The following RFX2 variants were observed in gnomAD, a reference collection of about 807,000 sequenced individuals.
The protein encoded by RFX2 is regulatory factor X2.
In RFX2, 20 loss-of-function variants were observed where a neutral mutation model predicts 87.8. That is an observed-to-expected ratio of 0.23 (90% confidence interval 0.16 to 0.33). RFX2 has a LOEUF of 0.33. Among genes scored for constraint, RFX2 ranks in the 10% least tolerant of loss-of-function variants. The pLI is 1.00. For synonymous variants in RFX2, 397 were observed against 431.3 expected (o/e 0.92, Z 0.98); for missense variants, 767 against 1,012.3 (o/e 0.76, Z 3.29).
At chr19:6,108,852 T>G (rs569213179) in intron 1 of RFX2, among the ~76,000 whole-genome samples, 6 of 151,958 alleles carry the variant, frequency 3.9e-5, no homozygotes, top group African/African-American at 1.4e-4. Flanking sequence ...CTTGGGGCCC[T>G]CGGGGGCCCT....
chr19:6,001,082 C>T lies in RFX2; in HGVS notation c.1859+733G>A, dbSNP rs925673331. Among the ~76,000 whole-genome samples the T allele has an allele frequency of 2.6e-5, 4 of 152,188 alleles. No homozygotes were observed. Among genetic ancestry groups the T allele is most frequent in the Non-Finnish European group, 4.4e-5 (3 of 68,038 alleles). On this transcript the variant is annotated intron_variant, in intron 15 of 17. Transcript: ENST00000303657. The surrounding 1 kb of genome is among the most constrained non-coding windows in gnomAD (Gnocchi z 5.6). ...AGGTCTGTAGCTTGGAAATGATTTC[C>T]CTTCAGAGCTCTCAGGACATCGCTC...
chr19:6,006,881 C>A, intron 12 of RFX2, 131 bp downstream of exon 12: 1 of 1,024,290 alleles, frequency 9.8e-7, no homozygotes, highest in Non-Finnish European at 1.4e-6. Context: ...CATGAGCCAC[C>A]GCGCCCGGCC....
chr19:6,034,075 A>T lies in RFX2; in HGVS notation c.522+5905T>A, dbSNP rs377068201. ...AGGAGTACCCAAGTGATTTATTTTTATTTATTTATTTAGAGACAGAGTCTT... is the reference window on the plus strand; with the variant it reads ...AGGAGTACCCAAGTGATTTATTTTTTTTTATTTATTTAGAGACAGAGTCTT... On this transcript the variant is annotated intron_variant, in intron 5 of 17. Transcript: ENST00000303657. 1.6e-4 allele frequency among the ~76,000 whole-genome samples: 24 copies of T among 152,046 alleles called. No individual in the cohort carries two copies. In the South Asian group the frequency reaches 1.9e-3, roughly 12 times the overall value.
At chr19:6,031,843 G>T (rs2086957700) in intron 5 of RFX2, among the ~76,000 whole-genome samples, 1 of 152,010 alleles carries the variant, frequency 6.6e-6, no homozygotes, top group Non-Finnish European at 1.5e-5. Context: ...AAAAGAGGTG[G>T]GGTCTCTCTC....
intron 1 of RFX2, among the ~76,000 whole-genome samples, chr19:6,048,682 T>C (rs1024594465): frequency 6.6e-6 from 1 of 152,224 alleles, no homozygotes; most frequent in Admixed American, 6.5e-5. Context: ...CGTTTCTCTA[T>C]CACCCCCAGA....
In RFX2 at chr19:6,052,300, A is replaced by T. The variant is rs542192325; in HGVS notation, c.-8-4796T>A. ...GACAAGGAATATTACTGCAGATAAA[A>T]TTTCATCATAAGATGATCAATTTAT... On this transcript the variant is annotated intron_variant, in intron 1 of 17. Transcript: ENST00000303657. 7.2e-5 allele frequency among the ~76,000 whole-genome samples: 11 copies of T among 152,322 alleles called. No individual in the cohort carries two copies. In the South Asian group the frequency reaches 1.9e-3, roughly 26 times the overall value.
chr19:5,994,164 C>A lies in RFX2; in HGVS notation c.*671G>T, dbSNP rs994932154. 2 of 152,282 alleles carry A rather than the reference C, an allele frequency of 1.3e-5. No homozygotes were observed. Among genetic ancestry groups the A allele is most frequent in the Non-Finnish European group, 2.9e-5 (2 of 68,074 alleles). 9.4% of individuals were successfully genotyped at this position (152,282 alleles called of 1,614,324 possible). ...CGGGACACAGCGATTGTCAGCTGCC[C>A]CTCAAGTCCTTTGGCATCTGGAGAT... On this transcript the variant is annotated 3_prime_UTR_variant, in exon 18 of 18. Coordinates refer to ENST00000303657, the MANE Select transcript of RFX2 (RefSeq NM_000635.4).
At chr19:6,088,920 T>A (rs927834690) in intron 1 of RFX2, among the ~76,000 whole-genome samples, 7 of 152,206 alleles carry the variant, frequency 4.6e-5, no homozygotes, top group African/African-American at 1.7e-4. Flanking sequence ...AAAACTTTAT[T>A]TATGGTTCCA....
At position 6,024,892 on chromosome 19, in the gene RFX2, T is replaced by C. The variant is rs914341113; in HGVS notation, c.597+1271A>G. The stretch of plus-strand genomic sequence containing the variant: ...GACGGGAGTGAGGACGGGATCACGG[T>C]GAGGACGGGAGTCAGGACGGGATCA... On this transcript the variant is annotated intron_variant, in intron 6 of 17. Transcript: ENST00000303657. The surrounding 1 kb of genome is among the most constrained non-coding windows in gnomAD (Gnocchi z 5.0). Among the ~76,000 whole-genome samples the C allele has an allele frequency of 7.0e-6, 1 of 143,000 alleles. No homozygotes were observed. The highest frequency in any genetic ancestry group is 1.5e-5 in the Non-Finnish European group (1 of 65,442). The allele number at this position is 143,000 out of a possible 152,430, so 93.8% of individuals were successfully genotyped here.
Position 5,999,244 on chromosome 19 carries a change from G to C in RFX2, c.1860-2031C>G, listed in dbSNP as rs567148114. Among the ~76,000 whole-genome samples the C allele has an allele frequency of 1.6e-3, 248 of 152,252 alleles. No homozygotes were observed. Among genetic ancestry groups the C allele is most frequent in the African/African-American group, 5.8e-3 (240 of 41,534 alleles). ...GCACTCCAGCCTGGTGACAGAGCGAGACTCTGTCTCAAAAAACAAGCAAAC... is the reference window on the plus strand; with the variant it reads ...GCACTCCAGCCTGGTGACAGAGCGACACTCTGTCTCAAAAAACAAGCAAAC... On this transcript the variant is annotated intron_variant, in intron 15 of 17. Coordinates refer to ENST00000303657, the MANE Select transcript of RFX2 (RefSeq NM_000635.4). This position sits in a 1 kb window ranked among gnomAD's most constrained non-coding sequence, Gnocchi z 4.1.
chr19:6,034,100 T>TG (rs1460241394), intron 5 of RFX2, among the ~76,000 whole-genome samples: 3 of 152,112 alleles, frequency 2.0e-5, no homozygotes, highest in African/African-American at 7.2e-5. Flanking sequence ...GACAGAGTCT[T>TG]GCTCTGTCAC....
rs1035046323 is a variant in RFX2 at position 6,021,038 on chromosome 19, G to T, written c.598-4767C>A. ...CTGTGGACAGATATCCTCACCTGCCGGTGGGAAGGCAGGGATCATGCCCAC... is the reference window on the plus strand; with the variant it reads ...CTGTGGACAGATATCCTCACCTGCCTGTGGGAAGGCAGGGATCATGCCCAC... On this transcript the variant is annotated intron_variant, in intron 6 of 17. Transcript: ENST00000303657. The surrounding 1 kb of genome is among the most constrained non-coding windows in gnomAD (Gnocchi z 5.7). Among the ~76,000 whole-genome samples the T allele has an allele frequency of 6.6e-6, 1 of 152,156 alleles. No individual in the cohort carries two copies. Among genetic ancestry groups the T allele is most frequent in the African/African-American group, 2.4e-5 (1 of 41,432 alleles).
At position 6,101,593 on chromosome 19, in the gene RFX2, T is replaced by C. The variant is rs2088128304; in HGVS notation, c.-9+8800A>G. 6.6e-6 allele frequency among the ~76,000 whole-genome samples: 1 copy of C among 152,254 alleles called. No individual in the cohort carries two copies. Among genetic ancestry groups the C allele is most frequent in the South Asian group, 2.1e-4 (1 of 4,836 alleles). On this transcript the variant is annotated intron_variant, in intron 1 of 17. Coordinates refer to ENST00000303657, the MANE Select transcript of RFX2 (RefSeq NM_000635.4). This position sits in a 1 kb window ranked among gnomAD's most constrained non-coding sequence, Gnocchi z 4.9. ...AAGTATAATTAAGTGCTGTTGCAGC[T>C]TTAGGAATGGACTTCTATATCATTG...
Position 6,016,334 on chromosome 19 carries a change from G to A in RFX2, c.598-63C>T. On this transcript the variant is annotated intron_variant, in intron 6 of 17. Transcript: ENST00000303657. This position sits in a 1 kb window ranked among gnomAD's most constrained non-coding sequence, Gnocchi z 5.4. ...CTGAGGAACGCTAACATGCCAACGTGGACTCATTAAGAGAATTACTTGCGT... is the reference window on the plus strand; with the variant it reads ...CTGAGGAACGCTAACATGCCAACGTAGACTCATTAAGAGAATTACTTGCGT... The A allele has an allele frequency of 8.2e-7, 1 of 1,224,452 alleles. No individual in the cohort carries two copies. Among genetic ancestry groups the A allele is most frequent in the Non-Finnish European group, 1.2e-6 (1 of 868,738 alleles). 75.8% of individuals were successfully genotyped at this position (1,224,452 alleles called of 1,614,324 possible).
intron 12 of RFX2, among the ~76,000 whole-genome samples, chr19:6,006,138 A>G (rs1195903680): frequency 6.6e-6 from 1 of 152,194 alleles, no homozygotes; most frequent in Non-Finnish European, 1.5e-5. Flanking sequence ...GAGGGGACAC[A>G]TTCTACGGCC....
chr19:6,035,889 G>A (rs567829050), intron 5 of RFX2, among the ~76,000 whole-genome samples: 1 of 150,732 alleles, frequency 6.6e-6, no homozygotes, highest in East Asian at 1.9e-4. Flanking sequence ...GTGTGTGTGT[G>A]AAAACATAGC....
rs1364804977 is a variant in RFX2 at position 5,999,852 on chromosome 19, G to C, written c.1859+1963C>G. On this transcript the variant is annotated intron_variant, in intron 15 of 17. Coordinates refer to ENST00000303657, the MANE Select transcript of RFX2 (RefSeq NM_000635.4). This position sits in a 1 kb window ranked among gnomAD's most constrained non-coding sequence, Gnocchi z 4.1. ...GATGGGTTTCTCTGTGTGGCTGTCT[G>C]GGGGAAAGATGTTCCAGGCAAGGGG... Among the ~76,000 whole-genome samples, 1 of 152,136 alleles carries C rather than the reference G, an allele frequency of 6.6e-6. No individual in the cohort carries two copies. The highest frequency in any genetic ancestry group is 1.9e-4 in the East Asian group (1 of 5,194).
rs1048086981 is a variant in RFX2, at chr19:6,061,963, G to A, written c.-8-14459C>T. 1.3e-5 allele frequency among the ~76,000 whole-genome samples: 2 copies of A among 152,174 alleles called. No individual in the cohort carries two copies. The highest frequency in any genetic ancestry group is 2.1e-4 in the South Asian group (1 of 4,814). On this transcript the variant is annotated intron_variant, in intron 1 of 17. Transcript: ENST00000303657. The surrounding 1 kb of genome is among the most constrained non-coding windows in gnomAD (Gnocchi z 5.2). ...TCGAGACCAGCCTGGGCAACATAGC[G>A]AGGCCCCATCTCTACAAACAAACAA...
rs779586267 is a variant in RFX2 at position 6,016,158 on chromosome 19, G to A, written c.711C>T (p.Asn237=). ...GGATCAGTTTCCCGAAGGAGGCGGC[G>A]TTCACTGGGTCTAGCTTGTGCTCCT... ...HCQEHKLDPV[N]AASFGKLIRS... The change falls in exon 7 of 18, where the codon AAC becomes AAT. Residue 237 remains asparagine, a synonymous_variant. Transcript: ENST00000303657. This position sits in a 1 kb window ranked among gnomAD's most constrained non-coding sequence, Gnocchi z 5.4. The A allele has an allele frequency of 6.6e-5, 107 of 1,613,930 alleles. No homozygotes were observed. The highest frequency in any genetic ancestry group is 4.9e-4 in the Middle Eastern group (3 of 6,080).
Sources: gnomAD v4.1 joint callset for allele counts (sites outside exome capture counted in the v4.1 genomes callset) on GRCh38, gnomAD v4.1.1 for gene constraint, Gnocchi (gnomAD v3.1) non-coding constraint, MANE v1.5 for transcripts, NCBI Gene and HGNC (gene_info 2026-07-23, HGNC 2026-07-21) for gene names.